The following TNFRSF1A variants were observed in gnomAD, a reference collection of about 807,000 sequenced individuals.
TNFRSF1A encodes the protein TNF receptor superfamily member 1A.
In TNFRSF1A, 9 loss-of-function variants were observed where a neutral mutation model predicts 41.6. The observed-to-expected ratio is 0.22, with a 90% confidence interval of 0.13 to 0.38. The LOEUF is 0.38. TNFRSF1A is among the 10% of genes least tolerant of loss of function. The pLI is 1.00. For synonymous variants in TNFRSF1A, 254 were observed against 248.6 expected (o/e 1.02, Z -0.21); for missense variants, 463 against 591.5 (o/e 0.78, Z 2.25).
chr12:6,331,565 G>A (rs537953961), intron 5 of TNFRSF1A: 50 of 188,870 alleles, frequency 2.6e-4, no homozygotes, highest in Admixed American at 8.0e-4. Flanking sequence ...TGGACAGTGT[G>A]GAGTGATGGG....
intron 9 of TNFRSF1A, 64 bp downstream of exon 9, chr12:6,329,689 CCGCCTCTCGTGGTCCCCTCTGGGAG>C (rs1193768811): frequency 3.3e-6 from 5 of 1,531,370 alleles, no homozygotes; most frequent in Non-Finnish European, 4.4e-6. Flanking sequence ...CCCGCGCCCT[CCGCCTCTCGTGGTCCCCTCTGGGAG>C]CGCCTCCCGC....
At position 6,341,531 on chromosome 12, in the gene TNFRSF1A, C is replaced by T. The variant is rs565991730; in HGVS notation, c.39+245G>A. ...CTTCCACCGCTGTCAGGGGCCAGGG[C>T]TTCCTTTTACTCTCTCCCTTTCAAA... On this transcript the variant is annotated intron_variant, in intron 1 of 9. Coordinates refer to ENST00000162749, the MANE Select transcript of TNFRSF1A (RefSeq NM_001065.4). The surrounding 1 kb of genome is among the most constrained non-coding windows in gnomAD (Gnocchi z 4.6). Among the ~76,000 whole-genome samples the T allele has an allele frequency of 1.3e-5, 2 of 152,394 alleles. No homozygotes were observed. The highest frequency in any genetic ancestry group is 2.4e-5 in the African/African-American group (1 of 41,600).
chr12:6,340,797 C>T (rs1948185427), intron 1 of TNFRSF1A, among the ~76,000 whole-genome samples: 1 of 152,026 alleles, frequency 6.6e-6, no homozygotes, highest in Non-Finnish European at 1.5e-5. Flanking sequence ...ACTAGATGGG[C>T]CCAGGACATC....
Position 6,334,283 on chromosome 12 carries a change from G to C in TNFRSF1A, c.40-39C>G, listed in dbSNP as rs1948091117. 1.9e-6 allele frequency: 3 copies of C among 1,589,894 alleles called. No homozygotes were observed. Among genetic ancestry groups the C allele is most frequent in the African/African-American group, 2.7e-5 (2 of 74,288 alleles). On this transcript the variant is annotated intron_variant, in intron 1 of 9. Coordinates refer to ENST00000162749, the MANE Select transcript of TNFRSF1A (RefSeq NM_001065.4). This position sits in a 1 kb window ranked among gnomAD's most constrained non-coding sequence, Gnocchi z 5.1. ...AGATAGAGGAGACACCATCAAGAGA[G>C]GGAGGGATGGGAAGCTTAGGGGTAG... is the stretch of plus-strand genomic sequence containing the variant.
At position 6,337,124 on chromosome 12, in the gene TNFRSF1A, C is replaced by T. The variant is rs1948131683; in HGVS notation, c.40-2880G>A. ...TGGCCCCCAGAATGCTCCAGGTCAGCCCTCTCTGATCCCTAGGAGCCAGGG... is the reference window on the plus strand; with the variant it reads ...TGGCCCCCAGAATGCTCCAGGTCAGTCCTCTCTGATCCCTAGGAGCCAGGG... On this transcript the variant is annotated intron_variant, in intron 1 of 9. Coordinates refer to ENST00000162749, the MANE Select transcript of TNFRSF1A (RefSeq NM_001065.4). This position sits in a 1 kb window ranked among gnomAD's most constrained non-coding sequence, Gnocchi z 4.6. Among the ~76,000 whole-genome samples the T allele has an allele frequency of 6.6e-6, 1 of 152,218 alleles. No homozygotes were observed. The highest frequency in any genetic ancestry group is 1.5e-5 in the Non-Finnish European group (1 of 68,032).
rs374897773 is a variant in TNFRSF1A, at chr12:6,329,480, T to C, written c.1200A>G (p.Gln400=). 1.3e-6 allele frequency: 2 copies of C among 1,594,464 alleles called. No individual in the cohort carries two copies. Among genetic ancestry groups the C allele is most frequent in the Non-Finnish European group, 1.7e-6 (2 of 1,177,836 alleles). Residue 400 remains glutamine (Q), a synonymous_variant, in exon 10 of 10, where the codon CAA becomes CAG. Transcript: ENST00000162749. ...GCCTCCAGGTCGCCAGCATGCTGTATTGCGCCTCGCGCAGGCAGCGCCCGT... is the reference window on the plus strand; with the variant it reads ...GCCTCCAGGTCGCCAGCATGCTGTACTGCGCCTCGCGCAGGCAGCGCCCGT... ...LQNGRCLREA[Q]YSMLATWRRR...
rs529681438 is a variant in TNFRSF1A, at chr12:6,333,308, G to A, written c.472+59C>T. The A allele has an allele frequency of 1.3e-6, 2 of 1,595,874 alleles. No homozygotes were observed. Among genetic ancestry groups the A allele is most frequent in the South Asian group, 2.2e-5 (2 of 89,210 alleles). ...GAAGGAAAGGAAGTGCCACCGCATG[G>A]GGAAGGGGCCAACCCCTGGGGTGGG... On this transcript the variant is annotated intron_variant, in intron 4 of 9. Coordinates refer to ENST00000162749, the MANE Select transcript of TNFRSF1A (RefSeq NM_001065.4). The surrounding 1 kb of genome is among the most constrained non-coding windows in gnomAD (Gnocchi z 6.3).
intron 8 of TNFRSF1A, 33 bp from the exon 9 acceptor site, chr12:6,330,099 G>GGCA: frequency 6.2e-7 from 1 of 1,612,484 alleles, no homozygotes; most frequent in Non-Finnish European, 8.5e-7. Context: ...GCATTAGTGC[G>GGCA]GCAGCGAAAA....
chr12:6,333,827 C>T lies in TNFRSF1A; in HGVS notation c.232G>A (p.Asp78Asn). The T allele has an allele frequency of 6.3e-7, 1 of 1,598,168 alleles. No homozygotes were observed. Among genetic ancestry groups the T allele is most frequent in the Non-Finnish European group, 8.5e-7 (1 of 1,171,826 alleles). The change falls in exon 3 of 10, where the codon GAT becomes AAT. Residue 78 changes from aspartate to asparagine, a missense_variant. Around this residue, in one of 4 missense-constraint regions of TNFRSF1A, gnomAD observed 149 missense variants for 239.4 expected, o/e 0.62. Transcript: ENST00000162749. The surrounding 1 kb of genome is among the most constrained non-coding windows in gnomAD (Gnocchi z 6.3). ...CTCTCACACTCCCTGCAGTCCGTATCCTGCCCCGGGCCTGGACAGTCATTG... is the reference window on the plus strand; with the variant it reads ...CTCTCACACTCCCTGCAGTCCGTATTCTGCCCCGGGCCTGGACAGTCATTG... ...LYNDCPGPGQ[D>N]TDCRECESGS...
rs1011095405 is a variant in TNFRSF1A at position 6,338,316 on chromosome 12, G to A, written c.39+3460C>T. ...ATCCCTATCCCTGCCGCCATCCCAT[G>A]TGTCAGTTCATCTTGCGAGGCCTCC... On this transcript the variant is annotated intron_variant, in intron 1 of 9. Coordinates refer to ENST00000162749, the MANE Select transcript of TNFRSF1A (RefSeq NM_001065.4). Among the ~76,000 whole-genome samples the A allele has an allele frequency of 2.0e-5, 3 of 152,046 alleles. No individual in the cohort carries two copies. The East Asian group carries it at 5.8e-4, about 29-fold the overall frequency.
At chr12:6,338,064 T>A (rs1333224994) in intron 1 of TNFRSF1A, among the ~76,000 whole-genome samples, 1 of 152,126 alleles carries the variant, frequency 6.6e-6, no homozygotes, top group Non-Finnish European at 1.5e-5. Context: ...CCTCTCCTTT[T>A]GAGAACCACT....
In TNFRSF1A at chr12:6,337,781, G is replaced by A. The variant is rs915357795; in HGVS notation, c.40-3537C>T. Among the ~76,000 whole-genome samples, 2 of 151,526 alleles carry A rather than the reference G, an allele frequency of 1.3e-5. No homozygotes were observed. The highest frequency in any genetic ancestry group is 1.3e-4 in the Admixed American group (2 of 15,250). ...CTTATAAGATGAGAGATCAAAAAAT[G>A]TCTTGGTCAGAAAGTGTCTTATCCT... On this transcript the variant is annotated intron_variant, in intron 1 of 9. Transcript: ENST00000162749. The surrounding 1 kb of genome is among the most constrained non-coding windows in gnomAD (Gnocchi z 4.6).
chr12:6,340,418 C>T (rs993273707), intron 1 of TNFRSF1A, among the ~76,000 whole-genome samples: 1 of 152,078 alleles, frequency 6.6e-6, no homozygotes, highest in Admixed American at 6.6e-5. Context: ...GGGGCCGCCC[C>T]CAAACAGAAA....
chr12:6,336,163 G>C (rs2284344), intron 1 of TNFRSF1A, among the ~76,000 whole-genome samples: 74,994 of 152,008 alleles, frequency 0.49, 18,747 homozygotes, highest in South Asian at 0.55. Flanking sequence ...ACTGGGGGAC[G>C]CCAGCCCCAG....
Position 6,341,246 on chromosome 12 carries a change from C to T in TNFRSF1A, c.39+530G>A, listed in dbSNP as rs368682986. On this transcript the variant is annotated intron_variant, in intron 1 of 9. Coordinates refer to ENST00000162749, the MANE Select transcript of TNFRSF1A (RefSeq NM_001065.4). This position sits in a 1 kb window ranked among gnomAD's most constrained non-coding sequence, Gnocchi z 4.6. The stretch of plus-strand genomic sequence containing the variant: ...CCAAACCCACCACACCAGCCCATCC[C>T]CACTCCTCAACTCACTCCCCCACTT... Among the ~76,000 whole-genome samples the T allele has an allele frequency of 1.3e-5, 2 of 152,098 alleles. No homozygotes were observed. The highest frequency in any genetic ancestry group is 2.9e-5 in the Non-Finnish European group (2 of 67,994).
Position 6,333,739 on chromosome 12 carries a change from T to G in TNFRSF1A, c.320A>C (p.Lys107Thr). 6.4e-7 allele frequency: 1 copy of G among 1,569,138 alleles called. No homozygotes were observed. Among genetic ancestry groups the G allele is most frequent in the Non-Finnish European group, 8.7e-7 (1 of 1,155,732 alleles). Residue 107 changes from lysine (K) to threonine (T), a missense_variant and splice_region_variant, in exon 3 of 10, where the codon AAG becomes ACG. Physicochemically the swap from Lys to Thr is moderately conservative, Grantham distance 78. Transcript: ENST00000162749. The surrounding 1 kb of genome is among the most constrained non-coding windows in gnomAD (Gnocchi z 6.3). Reference sequence around the variant, plus strand: ...CTCTCCTGCCTGTGCACACTCACCCTTTCGGCATTTGGAGCAGCTGAGGCA... The same window carrying G: ...CTCTCCTGCCTGTGCACACTCACCCGTTCGGCATTTGGAGCAGCTGAGGCA... The part of the protein sequence containing the change: ...RHCLSCSKCR[K>T]EMGQVEISSC...
chr12:6,329,697 C>A (rs1288700633), intron 9 of TNFRSF1A, 75 bp from the exon 10 acceptor site: 2 of 1,521,698 alleles, frequency 1.3e-6, no homozygotes, highest in Non-Finnish European at 1.8e-6. Context: ...CTCCGCCTCT[C>A]GTGGTCCCCT....
At chr12:6,332,372 G>A (rs576212712) in intron 5 of TNFRSF1A, among the ~76,000 whole-genome samples, 33 of 150,122 alleles carry the variant, frequency 2.2e-4, no homozygotes, top group East Asian at 1.6e-3. Context: ...CCTGGAGGTG[G>A]AGGCTGAGCC....
Position 6,341,950 on chromosome 12 carries a change from G to T in TNFRSF1A, c.-136C>A. ...GGGTGACAGTTGAGGGTTGAGACTC[G>T]GGCATAGAGATCACGGCCTGGTCCC... On this transcript the variant is annotated 5_prime_UTR_variant, in exon 1 of 10. Coordinates refer to ENST00000162749, the MANE Select transcript of TNFRSF1A (RefSeq NM_001065.4). The surrounding 1 kb of genome is among the most constrained non-coding windows in gnomAD (Gnocchi z 4.6). The T allele has an allele frequency of 3.4e-6, 3 of 870,846 alleles. No individual in the cohort carries two copies. The highest frequency in any genetic ancestry group is 2.5e-5 in the East Asian group (1 of 39,306). 53.9% of individuals were successfully genotyped at this position (870,846 alleles called of 1,614,324 possible).
Sources: gnomAD v4.1 joint callset for allele counts (sites outside exome capture counted in the v4.1 genomes callset) on GRCh38, gnomAD v4.1.1 for gene constraint, gnomAD v4.1.1 regional missense constraint, Gnocchi (gnomAD v3.1) non-coding constraint, MANE v1.5 for transcripts, NCBI Gene and HGNC (gene_info 2026-07-23, HGNC 2026-07-21) for gene names.